OC90: variants seen among roughly 807,000 people sequenced by gnomAD.
OC90 encodes the protein otoconin 90.
In OC90, 46 loss-of-function variants were observed where a neutral mutation model predicts 47.3. That is an observed-to-expected ratio of 0.97 (90% CI 0.77 to 1.24). OC90 has a LOEUF of 1.24. OC90 is among the 50% of genes most tolerant of loss of function. The probability of loss-of-function intolerance (pLI) is 0.00; values close to 1 mark genes in which losing one functional copy is unlikely to be tolerated. For synonymous variants in OC90, 271 were observed against 219.5 expected, an observed-to-expected ratio of 1.23 and a Z score of -2.07; for missense variants, 688 against 583.9, an observed-to-expected ratio of 1.18 and a Z score of -1.84.
At chr8:132,049,212 C>T (rs1823179470) in intron 2 of OC90, among the ~76,000 whole-genome samples, 2 of 151,652 alleles carry the variant, frequency 1.3e-5, no homozygotes, top group African/African-American at 2.4e-5. Flanking sequence ...ACCTTTACAA[C>T]ACTTTTTTGT....
In OC90 at chr8:132,049,355, T is replaced by G. The variant is rs901142376; in HGVS notation, c.47-3472A>C. ...CTCTTGGGGAAGCAGCCCAGCCTAG[T>G]GATCATGGCTGGAAAAAGATCCTGT... On this transcript the variant is annotated intron_variant, in intron 2 of 13. Transcript: ENST00000254627. Among the ~76,000 whole-genome samples the G allele has an allele frequency of 1.3e-5, 2 of 152,318 alleles. 1 individual carries two copies. The highest frequency in any genetic ancestry group is 4.1e-4 in the South Asian group (2 of 4,826).
Position 132,047,533 on chromosome 8 carries a change from G to A in OC90, c.47-1650C>T, listed in dbSNP as rs906485081. Among the ~76,000 whole-genome samples, 8 of 152,190 alleles carry A rather than the reference G, an allele frequency of 5.3e-5. No individual in the cohort carries two copies. The South Asian group carries it at 1.0e-3, about 20-fold the overall frequency. On this transcript the variant is annotated intron_variant, in intron 2 of 13. Coordinates refer to ENST00000254627, the MANE Select transcript of OC90 (RefSeq NM_001080399.3). ...AAGTTTGTTTCATCTGGGAGTTCCA[G>A]CGACTCTAAGTTTGTATGCACATAA...
intron 2 of OC90, among the ~76,000 whole-genome samples, chr8:132,048,097 G>GA (rs1823159343): frequency 6.6e-6 from 1 of 152,190 alleles, no homozygotes; most frequent in African/African-American, 2.4e-5. Flanking sequence ...ACCAGACACT[G>GA]AATCATCTGG....
chr8:132,051,269 C>T lies in OC90; in HGVS notation c.46+3712G>A, dbSNP rs150827183. On this transcript the variant is annotated intron_variant, in intron 2 of 13. Coordinates refer to ENST00000254627, the MANE Select transcript of OC90 (RefSeq NM_001080399.3). ...TATGCTGTTCACTGCAGCCCTCACA[C>T]TTGTCCCTACATCCAACTTTATTTT... Among the ~76,000 whole-genome samples the T allele has an allele frequency of 3.7e-3, 557 of 152,334 alleles. 1 individual carries two copies. The highest frequency in any genetic ancestry group is 6.3e-3 in the Non-Finnish European group (429 of 68,020).
At chr8:132,049,512 G>C (rs1461055385) in intron 2 of OC90, among the ~76,000 whole-genome samples, 1 of 152,182 alleles carries the variant, frequency 6.6e-6, no homozygotes, top group Non-Finnish European at 1.5e-5. Context: ...TGTTTAGAAG[G>C]ATATTAGGGA....
chr8:132,036,423 G>A (rs754918315), intron 9 of OC90: 5 of 780,540 alleles, frequency 6.4e-6, no homozygotes, highest in Admixed American at 1.7e-5. Context: ...CAGCCACTGT[G>A]AACAGAAATC....
In OC90 at chr8:132,028,928, G is replaced by GGAA. The variant is rs764252640; in HGVS notation, c.1138+144_1138+145insTTC. On this transcript the variant is annotated intron_variant, in intron 13 of 13. Coordinates refer to ENST00000254627, the MANE Select transcript of OC90 (RefSeq NM_001080399.3). ...AAGGAAAGAGGAAGGAAGGAAGGAA[G>GGAA]GGAAGGAAGGAAGGAAAAGAAAGAA... 126 of 489,934 alleles carry GGAA rather than the reference G, an allele frequency of 2.6e-4. 1 individual carries two copies. Among genetic ancestry groups the GGAA allele is most frequent in the South Asian group, 1.5e-3 (61 of 39,856 alleles). 30.3% of individuals were successfully genotyped at this position (489,934 alleles called of 1,614,324 possible).
chr8:132,041,618 T>C lies in OC90; in HGVS notation c.251A>G (p.Lys84Arg). ...TCGGGGGCAGAGACCAGCCACACAC[T>C]TCATACCATTGACAAACTGGATCAG... ...PVLIQFVNGM[K>R]CVAGLCPRDF... Residue 84 changes from lysine (K) to arginine (R), a missense_variant, in exon 5 of 14, where the codon AAG becomes AGG. Lys to Arg is a conservative substitution (Grantham distance 26). Coordinates refer to ENST00000254627, the MANE Select transcript of OC90 (RefSeq NM_001080399.3). 1 of 1,612,456 alleles carries C rather than the reference T, an allele frequency of 6.2e-7. No individual in the cohort carries two copies. The highest frequency in any genetic ancestry group is 1.3e-5 in the African/African-American group (1 of 74,546).
chr8:132,045,745 G>A, intron 3 of OC90, 73 bp downstream of exon 3: 1 of 843,610 alleles, frequency 1.2e-6, no homozygotes, highest in Middle Eastern at 2.5e-4. Flanking sequence ...GTATTCAGAA[G>A]GGATCATTTT....
chr8:132,040,975 G>T, intron 6 of OC90, 69 bp downstream of exon 6: 6 of 928,294 alleles, frequency 6.5e-6, no homozygotes, highest in Non-Finnish European at 9.0e-6. Context: ...CCCTCAGCCT[G>T]GTCCAGGCTT....
chr8:132,044,463 T>A lies in OC90; in HGVS notation c.139A>T (p.Lys47Ter). 1 of 1,559,174 alleles carries A rather than the reference T, an allele frequency of 6.4e-7. No homozygotes were observed. The highest frequency in any genetic ancestry group is 8.7e-7 in the Non-Finnish European group (1 of 1,145,124). The change falls in exon 4 of 14, where the codon AAA (lysine) becomes TAA (stop). Residue 47 changes from lysine (K) to a stop codon, truncating the protein, a stop_gained. Coordinates refer to ENST00000254627, the MANE Select transcript of OC90 (RefSeq NM_001080399.3). LOFTEE classifies it high-confidence loss of function. ...ATTTCAGCCACACTTTCCACATTTT[T>A]AAACATCCCACTGAAGAAAGTGATA... ...INITFFSGMFKNVESVAEIFD... is the reference protein window; with the variant it reads ...INITFFSGMF
chr8:132,041,441 G>A, intron 5 of OC90, 84 bp downstream of exon 5: 1 of 1,271,586 alleles, frequency 7.9e-7, no homozygotes, highest in South Asian at 1.4e-5. Flanking sequence ...GGGCTTTTCT[G>A]TATTTGTGCT....
At chr8:132,039,514 T>G (rs752078629) in intron 6 of OC90, among the ~76,000 whole-genome samples, 2 of 152,098 alleles carry the variant, frequency 1.3e-5, no homozygotes, top group African/African-American at 2.4e-5. Context: ...AGAACAATCC[T>G]TTAGAAATTC....
chr8:132,044,419 T>C lies in OC90; in HGVS notation c.169+14A>G, dbSNP rs1288510921. ...GACCTCTGGTGGATAAAAGCAATTT[T>C]AGACTTAACTTACCAAAAATTTCAG... On this transcript the variant is annotated intron_variant, in intron 4 of 13. Transcript: ENST00000254627. 4.1e-6 allele frequency: 6 copies of C among 1,473,042 alleles called. No individual in the cohort carries two copies. The highest frequency in any genetic ancestry group is 5.6e-6 in the Non-Finnish European group (6 of 1,071,134). The allele number at this position is 1,473,042 out of a possible 1,614,324, so 91.2% of individuals were successfully genotyped here.
chr8:132,039,233 C>T (rs1257707884), intron 6 of OC90, 110 bp from the exon 7 acceptor site: 17 of 1,148,710 alleles, frequency 1.5e-5, no homozygotes, highest in African/African-American at 4.6e-5. Flanking sequence ...AATCCCACTC[C>T]CCTTGCAATC....
chr8:132,052,824 C>T (rs1427702141), intron 2 of OC90, among the ~76,000 whole-genome samples: 1 of 152,224 alleles, frequency 6.6e-6, no homozygotes, highest in Non-Finnish European at 1.5e-5. Flanking sequence ...GTCTGATCTT[C>T]TCCTCAGTAT....
Position 132,037,312 on chromosome 8 carries a change from C to T in OC90, c.679+126G>A, listed in dbSNP as rs568730364. 1.7e-4 allele frequency: 135 copies of T among 800,224 alleles called. No homozygotes were observed. In the African/African-American group the frequency reaches 2.0e-3, roughly 12 times the overall value. 49.6% of individuals were successfully genotyped at this position (800,224 alleles called of 1,614,324 possible). A position where few individuals can be genotyped will look rare whatever the true frequency, so the allele number is the denominator to read the frequency against. ...GATGGATTTCTCATGAATAGTTTCA[C>T]ACCATCCCTTCGGTGCTGTTCTTGT... is the stretch of plus-strand genomic sequence containing the variant. On this transcript the variant is annotated intron_variant, in intron 9 of 13. Coordinates refer to ENST00000254627, the MANE Select transcript of OC90 (RefSeq NM_001080399.3).
chr8:132,026,778 T>C (rs1302155002), intron 13 of OC90, among the ~76,000 whole-genome samples: 1 of 152,202 alleles, frequency 6.6e-6, no homozygotes, highest in Non-Finnish European at 1.5e-5. Context: ...TGACAACTCA[T>C]GGGCTCTAAA....
chr8:132,024,673 G>A lies in OC90; in HGVS notation c.1242C>T (p.Ser414=), dbSNP rs1822729394. The change falls in exon 14 of 14, where the codon AGC becomes AGT. Residue 414 remains serine (S), a synonymous_variant. Transcript: ENST00000254627. ...ASFNQSLKSP[S]RLGCPGQPAA... is the part of the protein sequence containing the mutation. ...CTGGCTGCCCAGGGCACCCGAGTCT[G>A]CTTGGGGACTTGAGGCTTTGGTTAA... 1.2e-6 allele frequency: 2 copies of A among 1,613,406 alleles called. No homozygotes were observed. Among genetic ancestry groups the A allele is most frequent in the South Asian group, 1.1e-5 (1 of 91,004 alleles).
Sources: gnomAD v4.1 joint callset for allele counts (sites outside exome capture counted in the v4.1 genomes callset) on GRCh38, gnomAD v4.1.1 for gene constraint, MANE v1.5 for transcripts, NCBI Gene and HGNC (gene_info 2026-07-23, HGNC 2026-07-21) for gene names.